Variants in CFAP77 observed in about 807,000 individuals in gnomAD.
CFAP77 encodes the protein cilia- and flagella-associated protein 77.
Under a neutral mutation model 31.1 loss-of-function variants are expected in CFAP77, and 25 were observed. The ratio of observed to expected loss-of-function variants is 0.80; its 90% CI spans 0.59 to 1.12. CFAP77 has a LOEUF of 1.12. Ranked by LOEUF, CFAP77 falls within the 50% of genes most tolerant of loss-of-function variation. The pLI, the probability that CFAP77 is intolerant of heterozygous loss-of-function variation, is 0.00. For synonymous variants in CFAP77, 151 were observed against 159.9 expected (o/e 0.94, Z 0.42); for missense variants, 377 against 397.3 (o/e 0.95, Z 0.44).
At chr9:132,555,439 C>T (rs550059341) in intron 5 of CFAP77, among the ~76,000 whole-genome samples, 4 of 152,164 alleles carry the variant, frequency 2.6e-5, no homozygotes, top group South Asian at 4.1e-4. Context: ...AAAGTACTGA[C>T]GGGCACTGCA....
intron 1 of CFAP77, among the ~76,000 whole-genome samples, chr9:132,428,756 G>C (rs181083499): frequency 2.6e-5 from 4 of 152,244 alleles, no homozygotes; most frequent in African/African-American, 9.6e-5. Flanking sequence ...TGGGTTTTGA[G>C]ACTAGGGAAC....
intron 5 of CFAP77, among the ~76,000 whole-genome samples, chr9:132,557,335 G>A (rs1852920989): frequency 6.6e-6 from 1 of 152,168 alleles, no homozygotes; most frequent in South Asian, 2.1e-4. Context: ...ACGGCTTCCC[G>A]GCCTCCCGGT....
At chr9:132,462,272 G>A (rs1851064426) in intron 1 of CFAP77, among the ~76,000 whole-genome samples, 1 of 152,140 alleles carries the variant, frequency 6.6e-6, no homozygotes, top group South Asian at 2.1e-4. Context: ...GAGTTACTCT[G>A]GAATAATTCT....
In CFAP77 at chr9:132,539,934, T is replaced by C. The variant is rs182327361; in HGVS notation, c.630+2228T>C. ...TTTGCTGTTTGTTTATTTTTGTTTTTGTTTGTTTGTTTTTGAGACGGAGTT... is the reference window on the plus strand; with the variant it reads ...TTTGCTGTTTGTTTATTTTTGTTTTCGTTTGTTTGTTTTTGAGACGGAGTT... On this transcript the variant is annotated intron_variant, in intron 4 of 5. Transcript: ENST00000393216. This position sits in a 1 kb window ranked among gnomAD's most constrained non-coding sequence, Gnocchi z 4.3. 4.9e-4 allele frequency among the ~76,000 whole-genome samples: 75 copies of C among 151,938 alleles called. 1 individual carries two copies. Among genetic ancestry groups the C allele is most frequent in the African/African-American group, 1.7e-3 (72 of 41,442 alleles).
intron 1 of CFAP77, among the ~76,000 whole-genome samples, chr9:132,452,880 C>G (rs1850850408): frequency 6.6e-6 from 1 of 152,186 alleles, no homozygotes; most frequent in Non-Finnish European, 1.5e-5. Context: ...CTTTCTGACT[C>G]TCAAATTCTT....
chr9:132,448,177 GCA>G (rs60650463), intron 1 of CFAP77, among the ~76,000 whole-genome samples: 1 of 151,026 alleles, frequency 6.6e-6, no homozygotes, highest in South Asian at 2.1e-4. Flanking sequence ...ACGCACACAT[GCA>G]CACACACACA....
At chr9:132,449,439 T>G (rs1466415280) in intron 1 of CFAP77, among the ~76,000 whole-genome samples, 1 of 152,140 alleles carries the variant, frequency 6.6e-6, no homozygotes, top group Non-Finnish European at 1.5e-5. Context: ...ACACAGGTTT[T>G]TTTTTTTTTT....
In CFAP77 at chr9:132,514,730, A is replaced by G. The variant is rs570594289; in HGVS notation, c.524+15130A>G. On this transcript the variant is annotated intron_variant, in intron 3 of 5. Transcript: ENST00000393216. The stretch of plus-strand genomic sequence containing the variant: ...GCCGCTAACCAAGCCTCCCGGCGTC[A>G]TTAGCTTTTATGTTGGATCCACAAA... Among the ~76,000 whole-genome samples, 65 of 152,336 alleles carry G rather than the reference A, an allele frequency of 4.3e-4. No individual in the cohort carries two copies. The South Asian group carries it at 4.6e-3, about 11-fold the overall frequency.
intron 3 of CFAP77, among the ~76,000 whole-genome samples, chr9:132,503,475 TC>T (rs1851887862): frequency 6.6e-6 from 1 of 152,060 alleles, no homozygotes; most frequent in East Asian, 1.9e-4. Flanking sequence ...CACGTCACAT[TC>T]CCCCCAGGGC....
chr9:132,548,777 T>C (rs769166046), intron 5 of CFAP77, among the ~76,000 whole-genome samples: 12 of 134,734 alleles, frequency 8.9e-5, no homozygotes, highest in Non-Finnish European at 1.4e-4. Context: ...CCCACCAACA[T>C]TACATAGTCG....
chr9:132,420,190 G>T (rs1177274569), intron 1 of CFAP77, among the ~76,000 whole-genome samples: 2 of 149,634 alleles, frequency 1.3e-5, no homozygotes, highest in Non-Finnish European at 1.5e-5. Flanking sequence ...AAGGAGAGGT[G>T]ATGAGAGGCC....
intron 4 of CFAP77, among the ~76,000 whole-genome samples, chr9:132,541,368 G>GCC (rs1277660237): frequency 6.6e-6 from 1 of 152,204 alleles, no homozygotes; most frequent in Non-Finnish European, 1.5e-5. Context: ...TAATTCCGAA[G>GCC]CCTGGCTCCA....
At chr9:132,453,639 G>A (rs1028296824) in intron 1 of CFAP77, among the ~76,000 whole-genome samples, 15 of 152,168 alleles carry the variant, frequency 9.9e-5, no homozygotes, top group African/African-American at 2.9e-4. Context: ...CACAGAAACC[G>A]TTTGTTTTCA....
intron 3 of CFAP77, among the ~76,000 whole-genome samples, chr9:132,533,811 G>A (rs961452306): frequency 6.6e-6 from 1 of 152,132 alleles, no homozygotes; most frequent in African/African-American, 2.4e-5. Flanking sequence ...AACCCAGGAG[G>A]TGGAGGTTGC....
chr9:132,451,483 A>C (rs1250748319), intron 1 of CFAP77, among the ~76,000 whole-genome samples: 1 of 152,190 alleles, frequency 6.6e-6, no homozygotes, highest in Non-Finnish European at 1.5e-5. Flanking sequence ...TAGTTTCGCG[A>C]AGATTCAAAT....
chr9:132,462,227 G>C (rs1250409663), intron 1 of CFAP77, among the ~76,000 whole-genome samples: 1 of 152,154 alleles, frequency 6.6e-6, no homozygotes, highest in African/African-American at 2.4e-5. Context: ...GCCAGCCCCA[G>C]TGCCTGTGGC....
intron 1 of CFAP77, among the ~76,000 whole-genome samples, chr9:132,441,130 C>T (rs539510538): frequency 7.0e-4 from 107 of 152,304 alleles, no homozygotes; most frequent in Middle Eastern, 3.4e-3. Flanking sequence ...GACCCGCAGC[C>T]TTTGTTTTCA....
At position 132,554,967 on chromosome 9, in the gene CFAP77, TCCATCCATCCATCCATCCATCCTC is replaced by T. The variant is rs1179301895; in HGVS notation, c.732+11921_732+11944del. ...ATCCATCCATCCATCCATCCATCCA[TCCATCCATCCATCCATCCATCCTC>T]AGCCATCTGTCCATCTGTTTGTTCA... On this transcript the variant is annotated intron_variant, in intron 5 of 5. Transcript: ENST00000393216. This position sits in a 1 kb window ranked among gnomAD's most constrained non-coding sequence, Gnocchi z 4.1. Among the ~76,000 whole-genome samples the T allele has an allele frequency of 6.6e-6, 1 of 151,680 alleles. No individual in the cohort carries two copies. Among genetic ancestry groups the T allele is most frequent in the Non-Finnish European group, 1.5e-5 (1 of 67,956 alleles).
At chr9:132,484,236 C>A (rs972691176) in intron 1 of CFAP77, among the ~76,000 whole-genome samples, 1 of 152,092 alleles carries the variant, frequency 6.6e-6, no homozygotes. Flanking sequence ...CTGCACCTGG[C>A]CTAATTTTTC....
Sources: allele counts gnomAD v4.1 joint callset (sites outside exome capture counted in the v4.1 genomes callset), GRCh38; gene constraint gnomAD v4.1.1; non-coding constraint Gnocchi (gnomAD v3.1); transcripts MANE v1.5; gene names NCBI Gene and HGNC (gene_info 2026-07-23, HGNC 2026-07-21).